The following PDE10A variants were observed in gnomAD, a reference collection of about 807,000 sequenced individuals.
PDE10A encodes the protein cAMP and cAMP-inhibited cGMP 3',5'-cyclic phosphodiesterase 10A.
A neutral mutation model predicts 97.7 loss-of-function variants in PDE10A; 39 were observed. The observed-to-expected ratio is 0.40, with a 90% CI of 0.31 to 0.52. The LOEUF is 0.52. Ranked by LOEUF, PDE10A falls within the 20% of genes least tolerant of loss-of-function variation. The pLI is 0.56. For missense variants in PDE10A, 731 were observed against 1,047.8 expected (o/e 0.70, Z 4.17); for synonymous variants, 371 against 376.8 (o/e 0.98, Z 0.18).
chr6:165,760,486 C>A (rs1459064529), intron 1 of PDE10A, among the ~76,000 whole-genome samples: 1 of 152,138 alleles, frequency 6.6e-6, no homozygotes, highest in African/African-American at 2.4e-5. Context: ...GCAGATTGGA[C>A]CAGATTTTCT....
chr6:165,525,450 T>C (rs1782382520), intron 2 of PDE10A, among the ~76,000 whole-genome samples: 1 of 152,142 alleles, frequency 6.6e-6, no homozygotes, highest in Non-Finnish European at 1.5e-5. Flanking sequence ...CTGATCTCCC[T>C]TGGGTTAACG....
At chr6:165,934,935 G>T (rs1012700300) in intron 1 of PDE10A, among the ~76,000 whole-genome samples, 1 of 152,124 alleles carries the variant, frequency 6.6e-6, no homozygotes, top group African/African-American at 2.4e-5. Context: ...TTATTAATGC[G>T]AAGAACACAT....
Position 165,978,982 on chromosome 6 carries a change from A to G in PDE10A, c.-615+8547T>C, listed in dbSNP as rs562835640. ...GAGGAGGAGAAAAAGAAAATGTAAC[A>G]ACATGTTTGTGATGGGTATTCCATG... On this transcript the variant is annotated intron_variant, in intron 1 of 19. Coordinates refer to the PDE10A transcript ENST00000366882. Among the ~76,000 whole-genome samples the G allele has an allele frequency of 3.0e-4, 45 of 152,346 alleles. 1 individual carries two copies. Among genetic ancestry groups the G allele is most frequent in the African/African-American group, 1.1e-3 (44 of 41,584 alleles).
chr6:165,364,517 T>A (rs1267179325), intron 18 of PDE10A, among the ~76,000 whole-genome samples: 1 of 152,170 alleles, frequency 6.6e-6, no homozygotes, highest in East Asian at 1.9e-4. Context: ...AAGACACACA[T>A]ATAATCTATA....
chr6:165,791,885 C>A (rs997851139), intron 1 of PDE10A, among the ~76,000 whole-genome samples: 1 of 152,206 alleles, frequency 6.6e-6, no homozygotes, highest in Non-Finnish European at 1.5e-5. Context: ...TCCTTGAAAC[C>A]CACATAATCC....
chr6:165,478,685 C>T (rs1174445969), intron 3 of PDE10A, among the ~76,000 whole-genome samples: 3 of 152,148 alleles, frequency 2.0e-5, no homozygotes, highest in African/African-American at 7.2e-5. Context: ...TAGAGAAACC[C>T]TTTCCCTTTC....
chr6:165,680,035 G>A (rs1187396993), intron 1 of PDE10A, among the ~76,000 whole-genome samples: 1 of 152,034 alleles, frequency 6.6e-6, no homozygotes, highest in African/African-American at 2.4e-5. Flanking sequence ...ACCCATGGTG[G>A]GAACTGTTGG....
At chr6:165,631,840 G>A (rs529466057) in intron 1 of PDE10A, among the ~76,000 whole-genome samples, 1 of 152,088 alleles carries the variant, frequency 6.6e-6, no homozygotes, top group Admixed American at 6.5e-5. Context: ...GAAAATAAAC[G>A]ACCACCCAAA....
At chr6:165,976,179 C>T (rs1270755426) in intron 1 of PDE10A, among the ~76,000 whole-genome samples, 2 of 152,096 alleles carry the variant, frequency 1.3e-5, no homozygotes, top group African/African-American at 4.8e-5. Context: ...CATAATGAAG[C>T]TAAAAAAGAC....
At chr6:165,463,561 T>C (rs145166933) in intron 3 of PDE10A, among the ~76,000 whole-genome samples, 4 of 152,320 alleles carry the variant, frequency 2.6e-5, no homozygotes, top group African/African-American at 7.2e-5. Flanking sequence ...TCTGTGTTGT[T>C]TGTATAGTCT....
At chr6:165,642,322 G>A (rs757314837) in intron 1 of PDE10A, among the ~76,000 whole-genome samples, 9 of 152,224 alleles carry the variant, frequency 5.9e-5, no homozygotes, top group Middle Eastern at 3.4e-3. Flanking sequence ...TGTTCAGGTC[G>A]GCCTTGGCCA....
chr6:165,430,931 A>C (rs2128237608), intron 8 of PDE10A, among the ~76,000 whole-genome samples: 1 of 152,292 alleles, frequency 6.6e-6, no homozygotes, highest in East Asian at 1.9e-4. Flanking sequence ...TATTGCTACC[A>C]TGTTCTTGAA....
chr6:165,746,852 G>A (rs1792855242), intron 1 of PDE10A, among the ~76,000 whole-genome samples: 1 of 152,164 alleles, frequency 6.6e-6, no homozygotes, highest in South Asian at 2.1e-4. Flanking sequence ...ATAGAAAATT[G>A]CAAGTTTTTG....
intron 1 of PDE10A, among the ~76,000 whole-genome samples, chr6:165,866,531 A>G (rs1173678759): frequency 1.3e-5 from 2 of 151,998 alleles, no homozygotes; most frequent in East Asian, 1.9e-4. Context: ...ACAAGTGTGC[A>G]AGTATGTGCT....
chr6:165,529,550 T>A (rs1470236297), intron 2 of PDE10A, among the ~76,000 whole-genome samples: 1 of 152,216 alleles, frequency 6.6e-6, no homozygotes, highest in Non-Finnish European at 1.5e-5. Flanking sequence ...TACGACCACA[T>A]GACCAGTGGC....
At chr6:165,786,983 C>A (rs78478074) in intron 1 of PDE10A, among the ~76,000 whole-genome samples, 24,500 of 151,888 alleles carry the variant, frequency 0.16, 2,159 homozygotes, top group Non-Finnish European at 0.21. Flanking sequence ...TTGCTTCATT[C>A]CAGAAAGTAT....
At position 165,331,204 on chromosome 6, in the gene PDE10A, T is replaced by C. The variant is rs776382143; in HGVS notation, c.*1821A>G. On this transcript the variant is annotated 3_prime_UTR_variant, in exon 22 of 22. Coordinates refer to ENST00000539869, the MANE Select transcript of PDE10A (RefSeq NM_001385079.1). ...TACATCTATGTGTGTGTTCTACATA[T>C]ATTACATCCATCCATATATATATGT... 5.3e-5 allele frequency: 8 copies of C among 152,192 alleles called. No individual in the cohort carries two copies. The highest frequency in any genetic ancestry group is 1.2e-4 in the Non-Finnish European group (8 of 68,018). The allele number at this position is 152,192 out of a possible 1,614,324, so 9.4% of individuals were successfully genotyped here.
intron 1 of PDE10A, among the ~76,000 whole-genome samples, chr6:165,568,037 C>A (rs930113966): frequency 7.2e-5 from 9 of 124,276 alleles, no homozygotes; most frequent in Non-Finnish European, 1.4e-4. Flanking sequence ...CTCGCTCTGT[C>A]GCCCAGGCTG....
intron 18 of PDE10A, among the ~76,000 whole-genome samples, chr6:165,363,784 A>C (rs1753322840): frequency 6.6e-6 from 1 of 152,236 alleles, no homozygotes; most frequent in Non-Finnish European, 1.5e-5. Context: ...CAATATTATC[A>C]AAACAATAAA....
Sources: allele counts gnomAD v4.1 joint callset (sites outside exome capture counted in the v4.1 genomes callset), GRCh38; gene constraint gnomAD v4.1.1; transcripts MANE v1.5; gene names NCBI Gene and HGNC (gene_info 2026-07-23, HGNC 2026-07-21).